Variants in NXN observed in about 807,000 individuals in gnomAD.
NXN encodes the protein nucleoredoxin, also known as nucleoredoxin 1.
In NXN, 16 loss-of-function variants were observed where a neutral mutation model predicts 48.6. The ratio of observed to expected loss-of-function variants is 0.33; its 90% confidence interval spans 0.22 to 0.50. The LOEUF (loss-of-function observed/expected upper bound fraction) is 0.50, where lower values mean the gene tolerates loss of function less well. Among genes scored for constraint, NXN ranks in the 20% least tolerant of loss-of-function variants. The pLI, the probability that NXN is intolerant of heterozygous loss-of-function variation, is 0.98. For missense variants in NXN, 492 were observed against 605.5 expected, an observed-to-expected ratio of 0.81 and a Z score of 1.97; for synonymous variants, 281 against 269.6, an observed-to-expected ratio of 1.04 and a Z score of -0.41.
rs777822140 is a variant in NXN at position 804,982 on chromosome 17, C to T, written c.1000+86G>A. 689 of 1,392,738 alleles carry T rather than the reference C, an allele frequency of 4.9e-4. 1 individual carries two copies. The highest frequency in any genetic ancestry group is 6.5e-4 in the Non-Finnish European group (655 of 1,009,738). 86.3% of individuals were successfully genotyped at this position (1,392,738 alleles called of 1,614,324 possible). On this transcript the variant is annotated intron_variant, in intron 6 of 7. Coordinates refer to ENST00000336868, the MANE Select transcript of NXN (RefSeq NM_022463.5). ...TTGCACTGCTGGTGACAGAGAGAAG[C>T]GGCAGGGACAGGCTCCTCCCAAGTG...
In NXN at chr17:825,824, A is replaced by C; in HGVS notation, c.478+137T>G. The C allele has an allele frequency of 1.6e-6, 1 of 633,452 alleles. No individual in the cohort carries two copies. Among genetic ancestry groups the C allele is most frequent in the South Asian group, 2.0e-5 (1 of 50,780 alleles). 39.2% of individuals were successfully genotyped at this position (633,452 alleles called of 1,614,324 possible). The stretch of plus-strand genomic sequence containing the variant: ...GGAATACTATGATTTCACCAAGACG[A>C]CATTCTCTACCACGTAAACCCACGT... On this transcript the variant is annotated intron_variant, in intron 2 of 7. Coordinates refer to ENST00000336868, the MANE Select transcript of NXN (RefSeq NM_022463.5). The surrounding 1 kb of genome is among the most constrained non-coding windows in gnomAD (Gnocchi z 4.1).
chr17:868,755 G>C (rs2068120739), intron 1 of NXN, among the ~76,000 whole-genome samples: 1 of 152,218 alleles, frequency 6.6e-6, no homozygotes. Flanking sequence ...GCCTCCCAAA[G>C]TGCTGGGATG....
chr17:898,123 C>T (rs963295021), intron 1 of NXN, among the ~76,000 whole-genome samples: 1 of 152,182 alleles, frequency 6.6e-6, no homozygotes, highest in Non-Finnish European at 1.5e-5. Flanking sequence ...ATCTTTGTTC[C>T]TGTCTTCATG....
At chr17:874,049 G>T (rs1421853099) in intron 1 of NXN, among the ~76,000 whole-genome samples, 2 of 150,290 alleles carry the variant, frequency 1.3e-5, no homozygotes, top group African/African-American at 4.9e-5. Context: ...GTAGTGGGAG[G>T]GACCTGGTGG....
chr17:861,611 G>A (rs1448205980), intron 1 of NXN, among the ~76,000 whole-genome samples: 2 of 152,148 alleles, frequency 1.3e-5, no homozygotes, highest in Admixed American at 6.5e-5. Flanking sequence ...GAGCCTGAAC[G>A]TCTCACTGAG....
In NXN at chr17:944,558, G is replaced by C. The variant is rs947934727; in HGVS notation, c.360+34761C>G. Among the ~76,000 whole-genome samples, 55 of 152,282 alleles carry C rather than the reference G, an allele frequency of 3.6e-4. 1 individual carries two copies. Among genetic ancestry groups the C allele is most frequent in the Admixed American group, 1.8e-3 (28 of 15,292 alleles). The stretch of plus-strand genomic sequence containing the variant: ...TAAGGTAGATTCTGTTTGTTTATTT[G>C]TGGCAAATAGCTCTGAAGGACCAGC... On this transcript the variant is annotated intron_variant, in intron 1 of 7. Transcript: ENST00000336868.
chr17:814,799 C>G (rs771936455), intron 5 of NXN, among the ~76,000 whole-genome samples: 1 of 150,910 alleles, frequency 6.6e-6, no homozygotes, highest in Non-Finnish European at 1.5e-5. Flanking sequence ...GAATTTCACT[C>G]TTGTCACCCA....
chr17:868,764 T>C (rs1048337568), intron 1 of NXN, among the ~76,000 whole-genome samples: 2 of 152,204 alleles, frequency 1.3e-5, no homozygotes, highest in African/African-American at 2.4e-5. Flanking sequence ...AGTGCTGGGA[T>C]GACAGGCGTG....
chr17:838,742 T>C (rs1202897323), intron 1 of NXN, among the ~76,000 whole-genome samples: 2 of 152,204 alleles, frequency 1.3e-5, no homozygotes, highest in Non-Finnish European at 2.9e-5. Flanking sequence ...GCATTCTGGT[T>C]GACTAGAGCT....
intron 1 of NXN, among the ~76,000 whole-genome samples, chr17:954,070 T>C (rs1408900967): frequency 6.6e-6 from 1 of 152,194 alleles, no homozygotes; most frequent in Non-Finnish European, 1.5e-5. Flanking sequence ...CTTGAATAAC[T>C]GGCATTAGAC....
At chr17:907,135 G>A (rs1223101394) in intron 1 of NXN, among the ~76,000 whole-genome samples, 1 of 151,514 alleles carries the variant, frequency 6.6e-6, no homozygotes, top group African/African-American at 2.4e-5. Flanking sequence ...TTTTTTGGGG[G>A]GGCGGGGGAG....
At chr17:950,876 A>G (rs1313001170) in intron 1 of NXN, among the ~76,000 whole-genome samples, 3 of 152,108 alleles carry the variant, frequency 2.0e-5, no homozygotes, top group Non-Finnish European at 2.9e-5. Context: ...CCAAGCCAGT[A>G]AAGACACCTC....
chr17:909,309 C>T (rs2068611862), intron 1 of NXN, among the ~76,000 whole-genome samples: 1 of 151,996 alleles, frequency 6.6e-6, no homozygotes, highest in Non-Finnish European at 1.5e-5. Context: ...CATTACACAA[C>T]CAGTGCTCGG....
intron 3 of NXN, 150 bp from the exon 4 acceptor site, chr17:822,607 G>T: frequency 3.3e-6 from 2 of 605,110 alleles, no homozygotes; most frequent in East Asian, 5.6e-5. Context: ...TGGGTATGGT[G>T]GCTACCTGGG....
chr17:833,079 G>A (rs1282862142), intron 1 of NXN, among the ~76,000 whole-genome samples: 1 of 152,068 alleles, frequency 6.6e-6, no homozygotes, highest in African/African-American at 2.4e-5. Flanking sequence ...TTTTAGTAGA[G>A]ACGGGGTTTT....
chr17:930,031 T>A (rs2068838188), intron 1 of NXN: 1 of 150,234 alleles, frequency 6.7e-6, no homozygotes, highest in Admixed American at 6.6e-5. Flanking sequence ...CTCAGGAAAG[T>A]ACCGAAGAAA....
chr17:844,364 C>T (rs2067836779), intron 1 of NXN, among the ~76,000 whole-genome samples: 1 of 142,424 alleles, frequency 7.0e-6, no homozygotes, highest in Non-Finnish European at 1.6e-5. Context: ...CCGTCCTGCC[C>T]TCCTTAGCTG....
intron 1 of NXN, among the ~76,000 whole-genome samples, chr17:853,597 C>G (rs1057065877): frequency 2.0e-5 from 3 of 151,648 alleles, no homozygotes; most frequent in African/African-American, 7.3e-5. Context: ...TCGGGGGAGC[C>G]TTCTCTGCCC....
At position 882,101 on chromosome 17, in the gene NXN, TA is replaced by T. The variant is rs551309696; in HGVS notation, c.361-56024del. On this transcript the variant is annotated intron_variant, in intron 1 of 7. Coordinates refer to ENST00000336868, the MANE Select transcript of NXN (RefSeq NM_022463.5). ...GAATTTTATTGTGTTAAATTAAACC[TA>T]AAAAAAGAACTCATACCAACAAGAA... 1.0e-3 allele frequency among the ~76,000 whole-genome samples: 153 copies of T among 152,206 alleles called. 1 individual carries two copies. The highest frequency in any genetic ancestry group is 3.3e-3 in the African/African-American group (137 of 41,534).
Sources: allele counts gnomAD v4.1 joint callset (sites outside exome capture counted in the v4.1 genomes callset), GRCh38; gene constraint gnomAD v4.1.1; non-coding constraint Gnocchi (gnomAD v3.1); transcripts MANE v1.5; gene names NCBI Gene and HGNC (gene_info 2026-07-23, HGNC 2026-07-21).